Variants in PLEKHF2 observed in about 807,000 individuals in gnomAD.
PLEKHF2 encodes the protein pleckstrin homology and FYVE domain containing 2, also known as pleckstrin homology domain-containing family F member 2.
PLEKHF2 carries 4 observed loss-of-function variants against 14.7 expected under a neutral mutation model. The ratio of observed to expected loss-of-function variants is 0.27; its 90% CI spans 0.13 to 0.62. The LOEUF is 0.62. Among genes scored for constraint, PLEKHF2 ranks in the 20% least tolerant of loss-of-function variants. PLEKHF2 has a pLI of 0.85. For synonymous variants in PLEKHF2, 90 were observed against 103.5 expected, an observed-to-expected ratio of 0.87 and a Z score of 0.79; for missense variants, 201 against 307.7, an observed-to-expected ratio of 0.65 and a Z score of 2.60.
chr8:95,144,529 C>T (rs1338772662), intron 1 of PLEKHF2, among the ~76,000 whole-genome samples: 2 of 151,952 alleles, frequency 1.3e-5, no homozygotes, highest in Non-Finnish European at 2.9e-5. Context: ...ATATTTCTGT[C>T]ATATTTATTT....
intron 1 of PLEKHF2, among the ~76,000 whole-genome samples, chr8:95,139,378 A>G (rs1311514800): frequency 6.6e-6 from 1 of 152,136 alleles, no homozygotes; most frequent in Non-Finnish European, 1.5e-5. Flanking sequence ...GCAGGGTGGC[A>G]TGCCTATAGT....
chr8:95,147,901 T>C (rs1306162017), intron 1 of PLEKHF2, among the ~76,000 whole-genome samples: 2 of 152,080 alleles, frequency 1.3e-5, no homozygotes, highest in African/African-American at 4.8e-5. Context: ...TTCAGAACTA[T>C]TAGACAAGTC....
chr8:95,144,513 CA>C (rs1181637516), intron 1 of PLEKHF2, among the ~76,000 whole-genome samples: 1 of 151,726 alleles, frequency 6.6e-6, no homozygotes, highest in Non-Finnish European at 1.5e-5. Flanking sequence ...GGTCCATATG[CA>C]AAAAATATTT....
chr8:95,148,805 G>A (rs950171057), intron 1 of PLEKHF2, among the ~76,000 whole-genome samples: 1 of 152,056 alleles, frequency 6.6e-6, no homozygotes, highest in Non-Finnish European at 1.5e-5. Context: ...TTTCACATAT[G>A]CCAGAATACA....
chr8:95,152,437 TA>T (rs1244326898), intron 1 of PLEKHF2, among the ~76,000 whole-genome samples: 1 of 152,138 alleles, frequency 6.6e-6, no homozygotes, highest in Non-Finnish European at 1.5e-5. Context: ...TGAATCTTAG[TA>T]AATTTAAAAA....
intron 1 of PLEKHF2, among the ~76,000 whole-genome samples, chr8:95,135,734 G>A (rs1437279611): frequency 6.6e-6 from 1 of 152,148 alleles, no homozygotes; most frequent in Non-Finnish European, 1.5e-5. Context: ...AAATGTAGCA[G>A]CCAAACTGGT....
chr8:95,139,396 ACTC>A (rs1358934890), intron 1 of PLEKHF2, among the ~76,000 whole-genome samples: 1 of 152,124 alleles, frequency 6.6e-6, no homozygotes, highest in Non-Finnish European at 1.5e-5. Context: ...AGTCCCAACT[ACTC>A]AGGAGGCTGA....
In PLEKHF2 at chr8:95,154,099, G is replaced by A; in HGVS notation, c.55G>A (p.Glu19Lys). 1 of 1,613,722 alleles carries A rather than the reference G, an allele frequency of 6.2e-7. No homozygotes were observed. Among genetic ancestry groups the A allele is most frequent in the African/African-American group, 1.3e-5 (1 of 74,992 alleles). Residue 19 changes from glutamate to lysine, a missense_variant, in exon 2 of 2, where the codon GAA (glutamate) becomes AAA (lysine). Coordinates refer to ENST00000315367, the MANE Select transcript of PLEKHF2 (RefSeq NM_024613.4). This position sits in a 1 kb window ranked among gnomAD's most constrained non-coding sequence, Gnocchi z 5.6. The stretch of plus-strand genomic sequence containing the variant: ...AAATACTAGACGTATAAGTATAGTG[G>A]AAAACTGTTTTGGAGCAGCTGGTCA... ...EANTRRISIV[E>K]NCFGAAGQPL...
At chr8:95,147,557 A>G (rs1403448227) in intron 1 of PLEKHF2, among the ~76,000 whole-genome samples, 2 of 152,006 alleles carry the variant, frequency 1.3e-5, no homozygotes, top group Non-Finnish European at 2.9e-5. Context: ...AATCTAAGAT[A>G]TATTATGGGT....
chr8:95,146,278 C>T (rs1810499685), intron 1 of PLEKHF2, among the ~76,000 whole-genome samples: 1 of 152,038 alleles, frequency 6.6e-6, no homozygotes, highest in African/African-American at 2.4e-5. Context: ...AGATTAGAAT[C>T]CAGGTCCTTT....
chr8:95,136,760 G>A (rs954733479), intron 1 of PLEKHF2, among the ~76,000 whole-genome samples: 3 of 152,158 alleles, frequency 2.0e-5, no homozygotes, highest in African/African-American at 7.2e-5. Flanking sequence ...TGATGAACCA[G>A]CTTTGTACAT....
At chr8:95,135,758 C>A (rs1038828215) in intron 1 of PLEKHF2, among the ~76,000 whole-genome samples, 14 of 152,178 alleles carry the variant, frequency 9.2e-5, no homozygotes, top group African/African-American at 3.4e-4. Flanking sequence ...TAACTGAGAT[C>A]TTATGACTCT....
chr8:95,154,688 A>G lies in PLEKHF2; in HGVS notation c.644A>G (p.Asp215Gly), dbSNP rs1391800837. ...TGCTATGACCTGCTTTCTGCTGGGG[A>G]CATGGCCACATGCCAGCCTGCTAGA... Reference protein sequence around the residue: ...DFCYDLLSAGDMATCQPARSD... With the variant: ...DFCYDLLSAGGMATCQPARSD... The change falls in exon 2 of 2, where the codon GAC (aspartate) becomes GGC (glycine). Residue 215 changes from aspartate (D) to glycine (G), a missense_variant. Transcript: ENST00000315367. The surrounding 1 kb of genome is among the most constrained non-coding windows in gnomAD (Gnocchi z 5.6). 6.2e-7 allele frequency: 1 copy of G among 1,614,126 alleles called. No homozygotes were observed. The highest frequency in any genetic ancestry group is 1.7e-5 in the Admixed American group (1 of 60,014).
At chr8:95,136,245 G>A (rs1433626438) in intron 1 of PLEKHF2, among the ~76,000 whole-genome samples, 1 of 151,932 alleles carries the variant, frequency 6.6e-6, no homozygotes, top group Non-Finnish European at 1.5e-5. Flanking sequence ...TAAATTCCAT[G>A]AGCATCATAG....
At chr8:95,145,573 A>G (rs1387711418) in intron 1 of PLEKHF2, among the ~76,000 whole-genome samples, 1 of 151,586 alleles carries the variant, frequency 6.6e-6, no homozygotes, top group Non-Finnish European at 1.5e-5. Flanking sequence ...ACAGGCACCC[A>G]CCACCACGCC....
At chr8:95,139,717 C>G (rs1810420035) in intron 1 of PLEKHF2, among the ~76,000 whole-genome samples, 1 of 152,040 alleles carries the variant, frequency 6.6e-6, no homozygotes, top group Admixed American at 6.6e-5. Context: ...CACACCCCCT[C>G]CACCCCCTTT....
At chr8:95,139,809 A>ATT (rs112242584) in intron 1 of PLEKHF2, among the ~76,000 whole-genome samples, 57 of 139,496 alleles carry the variant, frequency 4.1e-4, no homozygotes, top group African/African-American at 9.4e-4. Context: ...TTAGTCCTTG[A>ATT]TTTTTTTTTT....
At chr8:95,143,568 A>G (rs532603996) in intron 1 of PLEKHF2, among the ~76,000 whole-genome samples, 3 of 152,350 alleles carry the variant, frequency 2.0e-5, no homozygotes, top group East Asian at 1.9e-4. Flanking sequence ...CTGTGAGGCT[A>G]TCGAACTGAG....
In PLEKHF2 at chr8:95,154,287, C is replaced by T. The variant is rs1810590692; in HGVS notation, c.243C>T (p.Pro81=). The T allele has an allele frequency of 1.9e-6, 3 of 1,613,768 alleles. No homozygotes were observed. Among genetic ancestry groups the T allele is most frequent in the African/African-American group, 1.3e-5 (1 of 74,848 alleles). ...KKKYNKQHII[P]LENVTIDSIK... ...AATATAACAAACAACATATTATTCC[C>T]CTGGAAAATGTCACTATTGATTCCA... Residue 81 remains proline (P), a synonymous_variant, in exon 2 of 2, where the codon CCC becomes CCT. Transcript: ENST00000315367. This position sits in a 1 kb window ranked among gnomAD's most constrained non-coding sequence, Gnocchi z 5.6.
Sources: allele counts gnomAD v4.1 joint callset (sites outside exome capture counted in the v4.1 genomes callset), GRCh38; gene constraint gnomAD v4.1.1; non-coding constraint Gnocchi (gnomAD v3.1); transcripts MANE v1.5; gene names NCBI Gene and HGNC (gene_info 2026-07-23, HGNC 2026-07-21).